The following KMT2E variants were observed in gnomAD, a reference collection of about 807,000 sequenced individuals.
KMT2E encodes the protein lysine methyltransferase 2E (inactive), also known as histone reader KMT2E.
In KMT2E, 30 loss-of-function variants were observed where a neutral mutation model predicts 184.6. That is an observed-to-expected ratio of 0.16 (90% CI 0.12 to 0.22). The LOEUF is 0.22. Among genes scored for constraint, KMT2E ranks in the 10% least tolerant of loss-of-function variants. The pLI is 1.00. For missense variants in KMT2E, 2,023 were observed against 2,237.4 expected (o/e 0.90, Z 1.93); for synonymous variants, 815 against 776.5 (o/e 1.05, Z -0.82).
At chr7:105,061,285 TAA>T (rs1341192954) in intron 3 of KMT2E, among the ~76,000 whole-genome samples, 1 of 152,204 alleles carries the variant, frequency 6.6e-6, no homozygotes, top group African/African-American at 2.4e-5. Context: ...AGTTCTAATG[TAA>T]AGTTTTAATA....
chr7:105,024,919 T>G (rs1795110801), intron 1 of KMT2E, among the ~76,000 whole-genome samples: 1 of 152,098 alleles, frequency 6.6e-6, no homozygotes, highest in Admixed American at 6.6e-5. Flanking sequence ...GATTCATTGG[T>G]TTCCAGAACC....
intron 15 of KMT2E, among the ~76,000 whole-genome samples, chr7:105,099,679 C>A (rs925135731): frequency 6.6e-6 from 1 of 152,116 alleles, no homozygotes; most frequent in East Asian, 1.9e-4. Flanking sequence ...CCTTGGGTGC[C>A]CACCTGTGGG....
At chr7:105,071,608 A>ATATATATATT (rs1304883029) in intron 6 of KMT2E, among the ~76,000 whole-genome samples, 1 of 31,876 alleles carries the variant, frequency 3.1e-5, no homozygotes, top group Non-Finnish European at 5.3e-5. Context: ...ATATATATAT[A>ATATATATATT]TTTTTTTTTT....
chr7:105,067,093 A>G (rs1797061913), intron 6 of KMT2E, among the ~76,000 whole-genome samples: 1 of 150,812 alleles, frequency 6.6e-6, no homozygotes. Flanking sequence ...AAGAAAAAGA[A>G]AAAAGGAGAA....
chr7:105,063,606 A>G lies in KMT2E; in HGVS notation c.416+26A>G, dbSNP rs777478957. 1.0e-5 allele frequency: 15 copies of G among 1,434,528 alleles called. No homozygotes were observed. In the South Asian group the frequency reaches 1.9e-4, roughly 18 times the overall value. The allele number at this position is 1,434,528 out of a possible 1,614,324, so 88.9% of individuals were successfully genotyped here. ...GTAAAATATTTTACACCATTATTTT[A>G]TTTTTCTTGAATGCTGATAACCTTT... On this transcript the variant is annotated intron_variant, in intron 5 of 26. Transcript: ENST00000311117.
At position 105,112,736 on chromosome 7, in the gene KMT2E, T is replaced by C; in HGVS notation, c.4980T>C (p.His1660=). 1 of 1,613,740 alleles carries C rather than the reference T, an allele frequency of 6.2e-7. No individual in the cohort carries two copies. The highest frequency in any genetic ancestry group is 8.5e-7 in the Non-Finnish European group (1 of 1,179,930). ...HSVAHVVGPV[H]AVTPGSHIHS... ...TAGCACATGTAGTAGGGCCTGTTCA[T>C]GCGGTCACCCCTGGGTCGCATATTC... Residue 1660 remains histidine (H), a synonymous_variant, in exon 27 of 27, where the codon CAT becomes CAC. Coordinates refer to ENST00000311117, the MANE Select transcript of KMT2E (RefSeq NM_182931.3).
rs1799047873 is a variant in KMT2E at position 105,109,032 on chromosome 7, C to T, written c.3559C>T (p.His1187Tyr). 1.2e-6 allele frequency: 2 copies of T among 1,614,190 alleles called. No individual in the cohort carries two copies. Among genetic ancestry groups the T allele is most frequent in the Non-Finnish European group, 1.7e-6 (2 of 1,180,014 alleles). The change falls in exon 23 of 27, where the codon CAT becomes TAT. Residue 1187 changes from histidine to tyrosine, a missense_variant. Transcript: ENST00000311117. ...ENFPLISVSPHASGSLSNNGD... is the reference protein window; with the variant it reads ...ENFPLISVSPYASGSLSNNGD... ...CTTTCCACTCATTAGTGTATCACCC[C>T]ATGCAAGTGGAAGCTTGAGCAACAA...
At chr7:105,045,765 G>T (rs1026398473) in intron 3 of KMT2E, among the ~76,000 whole-genome samples, 2 of 152,118 alleles carry the variant, frequency 1.3e-5, no homozygotes, top group African/African-American at 4.8e-5. Flanking sequence ...TGGTATACAG[G>T]TATCTGTTTG....
chr7:105,092,095 C>T (rs1031235600), intron 15 of KMT2E, among the ~76,000 whole-genome samples: 3 of 152,134 alleles, frequency 2.0e-5, no homozygotes, highest in African/African-American at 4.8e-5. Flanking sequence ...CATGGACTCT[C>T]ACGTCACATA....
intron 13 of KMT2E, among the ~76,000 whole-genome samples, chr7:105,084,122 C>A (rs187052907): frequency 5.4e-4 from 82 of 152,326 alleles, no homozygotes; most frequent in African/African-American, 1.9e-3. Flanking sequence ...GATGGCTCCA[C>A]AAATTTCCTT....
rs150358701 is a variant in KMT2E, at chr7:105,107,861, G to A, written c.3404G>A (p.Arg1135Gln). ...SEDGLVSGFGRTVNDNLIDGN... is the reference protein window; with the variant it reads ...SEDGLVSGFGQTVNDNLIDGN... ...GATGGGCTTGTATCTGGTTTCGGAC[G>A]GACTGTTAATGACAATTTGATCGAC... The change falls in exon 22 of 27, where the codon CGG (arginine) becomes CAG (glutamine). Residue 1135 changes from arginine to glutamine, a missense_variant. Around this residue, in one of 8 missense-constraint regions of KMT2E, gnomAD observed 1,108 missense variants for 1,050.9 expected, o/e 1.05. Transcript: ENST00000311117. 5.7e-5 allele frequency: 92 copies of A among 1,613,856 alleles called. No individual in the cohort carries two copies. Among genetic ancestry groups the A allele is most frequent in the Non-Finnish European group, 6.7e-5 (79 of 1,179,996 alleles).
chr7:105,091,663 A>G (rs1798208532), intron 15 of KMT2E: 1 of 380,578 alleles, frequency 2.6e-6, no homozygotes, highest in African/African-American at 2.1e-5. Flanking sequence ...GATTTGAAAT[A>G]TAATAAAAGT....
At chr7:105,088,155 A>G (rs563078406) in intron 13 of KMT2E, among the ~76,000 whole-genome samples, 2 of 152,130 alleles carry the variant, frequency 1.3e-5, no homozygotes, top group Non-Finnish European at 2.9e-5. Flanking sequence ...TCTGGTTTCA[A>G]ATCCCGGCTT....
At chr7:105,079,846 T>G (rs2129568289) in intron 12 of KMT2E, among the ~76,000 whole-genome samples, 1 of 151,094 alleles carries the variant, frequency 6.6e-6, no homozygotes, top group South Asian at 2.1e-4. Flanking sequence ...ATTATTATTA[T>G]TATTATTATT....
chr7:105,079,749 T>C (rs1797681404), intron 12 of KMT2E, among the ~76,000 whole-genome samples: 1 of 151,502 alleles, frequency 6.6e-6, no homozygotes, highest in Non-Finnish European at 1.5e-5. Context: ...GGTCTCCAAC[T>C]CCTGGGCCAA....
intron 1 of KMT2E, among the ~76,000 whole-genome samples, chr7:105,022,745 A>AAT (rs1268087746): frequency 4.6e-5 from 7 of 152,172 alleles, no homozygotes; most frequent in African/African-American, 1.7e-4. Flanking sequence ...TAATTAAAAA[A>AAT]ACTAATTTTC....
intron 15 of KMT2E, among the ~76,000 whole-genome samples, chr7:105,096,628 T>C (rs1435834656): frequency 2.6e-5 from 4 of 152,186 alleles, no homozygotes; most frequent in Non-Finnish European, 5.9e-5. Context: ...TTCATTGTTG[T>C]AGCCCTAGCT....
intron 3 of KMT2E, among the ~76,000 whole-genome samples, chr7:105,042,595 A>G (rs186143529): frequency 2.6e-5 from 4 of 152,210 alleles, no homozygotes; most frequent in Non-Finnish European, 4.4e-5. Flanking sequence ...TTGAACCCAG[A>G]GTTGCTTGGC....
intron 6 of KMT2E, among the ~76,000 whole-genome samples, chr7:105,067,768 C>T (rs1481758088): frequency 2.0e-5 from 3 of 151,864 alleles, no homozygotes; most frequent in East Asian, 3.9e-4. Flanking sequence ...CCCAGGAGTT[C>T]GAGACCAGCT....
Sources: allele counts gnomAD v4.1 joint callset (sites outside exome capture counted in the v4.1 genomes callset), GRCh38; gene constraint gnomAD v4.1.1; regional missense constraint gnomAD v4.1.1; transcripts MANE v1.5; gene names NCBI Gene and HGNC (gene_info 2026-07-23, HGNC 2026-07-21).